TXNRD2: variants seen among roughly 807,000 people sequenced by gnomAD.
TXNRD2 encodes the protein thioredoxin reductase 2.
TXNRD2 carries 67 observed loss-of-function variants against 70.8 expected under a neutral mutation model. The observed-to-expected ratio is 0.95, with a 90% CI of 0.78 to 1.16. TXNRD2 has a LOEUF of 1.16. Ranked by LOEUF, TXNRD2 falls within the 50% of genes most tolerant of loss-of-function variation. The pLI, the probability that TXNRD2 is intolerant of heterozygous loss-of-function variation, is 0.00. For synonymous variants in TXNRD2, 301 were observed against 295.8 expected, an observed-to-expected ratio of 1.02 and a Z score of -0.18; for missense variants, 644 against 719.9, an observed-to-expected ratio of 0.89 and a Z score of 1.21.
At chr22:19,932,597 GAAGA>G in intron 1 of TXNRD2, 1 of 1,437,450 alleles carries the variant, frequency 7.0e-7, no homozygotes, top group Non-Finnish European at 9.2e-7. Flanking sequence ...CTGAAGGAAG[GAAGA>G]AATAATAGCA....
chr22:19,909,536 CACACACAT>C (rs1940226694), intron 8 of TXNRD2, among the ~76,000 whole-genome samples: 18 of 120,954 alleles, frequency 1.5e-4, no homozygotes, highest in Admixed American at 9.4e-5. Flanking sequence ...ACACACCACA[CACACACAT>C]AACCACTCAC....
At chr22:19,922,703 T>C (rs1210920225) in intron 2 of TXNRD2, among the ~76,000 whole-genome samples, 1 of 152,158 alleles carries the variant, frequency 6.6e-6, no homozygotes, top group Non-Finnish European at 1.5e-5. Context: ...TTCTCTTTTT[T>C]TGAGATGGAG....
In TXNRD2 at chr22:19,918,143, C is replaced by T. The variant is rs755356370; in HGVS notation, c.449G>A (p.Arg150Lys). ...NWGHRVQLQD[R>K]KVKYFNIKAS... ...CCATTCCCGGAGAGAGCTTCAGTAC[C>T]TGTCCTGAAGCTGGACACGGTGGCC... The change falls in exon 5 of 18, where the codon AGA (arginine) becomes AAA (lysine). Residue 150 changes from arginine (R) to lysine (K), a missense_variant and splice_region_variant. Coordinates refer to ENST00000400521, the MANE Select transcript of TXNRD2 (RefSeq NM_006440.5). 8.7e-6 allele frequency: 14 copies of T among 1,613,464 alleles called. No homozygotes were observed. The Admixed American group carries it at 1.3e-4, about 15-fold the overall frequency.
At chr22:19,941,639 C>T (rs554022938) in intron 1 of TXNRD2, 62 bp downstream of exon 1, 6 of 1,394,462 alleles carry the variant, frequency 4.3e-6, no homozygotes, top group East Asian at 6.1e-5. Flanking sequence ...GCGCGGACAC[C>T]CTCACGAGGA....
rs866740473 is a variant in TXNRD2 at position 19,931,073 on chromosome 22, CAGG to C, written c.126_128del (p.Leu43del). On this transcript the variant is annotated inframe_deletion, in exon 2 of 18. Coordinates refer to ENST00000400521, the MANE Select transcript of TXNRD2 (RefSeq NM_006440.5). ...GGCCACCAGATCCCCCGCCGACCAC[CAGG>C]AGATCATAGTCCCGCTGACCTGCTG... 1 of 1,613,666 alleles carries C rather than the reference CAGG, an allele frequency of 6.2e-7. No homozygotes were observed. Among genetic ancestry groups the C allele is most frequent in the Non-Finnish European group, 8.5e-7 (1 of 1,180,008 alleles).
intron 10 of TXNRD2, among the ~76,000 whole-genome samples, chr22:19,896,956 C>T (rs1049613842): frequency 3.3e-5 from 5 of 152,310 alleles, no homozygotes; most frequent in Middle Eastern, 3.4e-3. Context: ...CAGGGTCCCT[C>T]GCCCCTCAGC....
chr22:19,929,596 G>A (rs1941282495), intron 2 of TXNRD2, among the ~76,000 whole-genome samples: 1 of 152,160 alleles, frequency 6.6e-6, no homozygotes, highest in Non-Finnish European at 1.5e-5. Context: ...GACGACAACT[G>A]CCATCTACAG....
At chr22:19,921,646 G>A (rs1940921067) in intron 2 of TXNRD2, among the ~76,000 whole-genome samples, 1 of 152,202 alleles carries the variant, frequency 6.6e-6, no homozygotes, top group Non-Finnish European at 1.5e-5. Context: ...GCAGGCTGGG[G>A]AAGATGGGGA....
intron 2 of TXNRD2, among the ~76,000 whole-genome samples, chr22:19,922,937 T>C (rs932627137): frequency 1.3e-5 from 2 of 152,182 alleles, no homozygotes; most frequent in Non-Finnish European, 2.9e-5. Context: ...TCCGCCCACC[T>C]CGGCCTCCCA....
intron 1 of TXNRD2, among the ~76,000 whole-genome samples, chr22:19,939,195 T>C (rs559613929): frequency 6.6e-6 from 1 of 152,170 alleles, no homozygotes; most frequent in South Asian, 2.1e-4. Context: ...ACTGCCCTCA[T>C]ACCTGATGAG....
chr22:19,928,114 TA>T (rs34625951), intron 2 of TXNRD2, among the ~76,000 whole-genome samples: 79,202 of 142,892 alleles, frequency 0.55, 21,148 homozygotes, highest in East Asian at 0.7. Context: ...TTTTTTTTAA[TA>T]AAAAAAAAAA....
intron 7 of TXNRD2, among the ~76,000 whole-genome samples, chr22:19,913,938 A>C (rs1940521445): frequency 6.6e-6 from 1 of 152,250 alleles, no homozygotes; most frequent in Non-Finnish European, 1.5e-5. Flanking sequence ...TTCAGTGGCC[A>C]CATACATCAA....
chr22:19,932,227 C>T, intron 1 of TXNRD2: 1 of 1,533,136 alleles, frequency 6.5e-7, no homozygotes, highest in Non-Finnish European at 9.0e-7. Context: ...GGCCAGTGCA[C>T]ACAGCCAGGG....
intron 2 of TXNRD2, among the ~76,000 whole-genome samples, chr22:19,928,964 C>T (rs1176924553): frequency 2.7e-5 from 4 of 149,966 alleles, no homozygotes; most frequent in Non-Finnish European, 5.9e-5. Context: ...CAAGATCTCA[C>T]CACTGCACTC....
At position 19,915,233 on chromosome 22, in the gene TXNRD2, C is replaced by T. The variant is rs730880248; in HGVS notation, c.572G>A (p.Arg191Gln). 6.2e-6 allele frequency: 10 copies of T among 1,613,734 alleles called. No individual in the cohort carries two copies. The highest frequency in any genetic ancestry group is 5.0e-5 in the Admixed American group (3 of 59,956). Residue 191 changes from arginine (R) to glutamine (Q), a missense_variant, in exon 7 of 18, where the codon CGG becomes CAG. Around this residue, in one of 3 missense-constraint regions of TXNRD2, gnomAD observed 566 missense variants for 645.0 expected, o/e 0.88. Coordinates refer to ENST00000400521, the MANE Select transcript of TXNRD2 (RefSeq NM_006440.5). ...ADHIIIATGG[R>Q]PRYPTHIEGA... ...ACTCACGTGCGTGGGGTATCTCGGC[C>T]GCCCTCCAGTAGCAATGATGATGTG... is the stretch of plus-strand genomic sequence containing the variant.
intron 1 of TXNRD2, among the ~76,000 whole-genome samples, chr22:19,931,618 C>T (rs1941362436): frequency 6.6e-6 from 1 of 152,134 alleles, no homozygotes; most frequent in Non-Finnish European, 1.5e-5. Context: ...ATCCTCTAGC[C>T]TCAGCCTCCA....
intron 2 of TXNRD2, among the ~76,000 whole-genome samples, chr22:19,928,132 G>A (rs776784534): frequency 4.7e-5 from 7 of 150,140 alleles, no homozygotes; most frequent in African/African-American, 7.3e-5. Context: ...AAAAACTTGA[G>A]TAAAAAAGAA....
rs747246685 is a variant in TXNRD2 at position 19,895,370 on chromosome 22, G to A, written c.949+37C>T. 10 of 1,612,992 alleles carry A rather than the reference G, an allele frequency of 6.2e-6. No homozygotes were observed. The Admixed American group carries it at 1.3e-4, about 22-fold the overall frequency. The stretch of plus-strand genomic sequence containing the variant: ...AAAGATTCTCCATGCACCTCGGGGA[G>A]ACCAGAGACAGAGCGTGTGGCTCGA... On this transcript the variant is annotated intron_variant, in intron 11 of 17. Transcript: ENST00000400521.
chr22:19,912,774 A>G (rs1940469863), intron 7 of TXNRD2, among the ~76,000 whole-genome samples: 1 of 152,232 alleles, frequency 6.6e-6, no homozygotes, highest in African/African-American at 2.4e-5. Flanking sequence ...TGGCGGCCAG[A>G]CAAGTCCCAC....
Sources: allele counts gnomAD v4.1 joint callset (sites outside exome capture counted in the v4.1 genomes callset), GRCh38; gene constraint gnomAD v4.1.1; regional missense constraint gnomAD v4.1.1; transcripts MANE v1.5; gene names NCBI Gene and HGNC (gene_info 2026-07-23, HGNC 2026-07-21).